TSPAN19: variants seen among roughly 807,000 people sequenced by gnomAD.
TSPAN19 encodes tetraspanin-19.
Under a neutral mutation model 35.1 loss-of-function variants are expected in TSPAN19, and 44 were observed. The observed-to-expected ratio is 1.25, with a 90% confidence interval of 0.98 to 1.61. TSPAN19 has a LOEUF of 1.61. Ranked by LOEUF, TSPAN19 falls within the 40% of genes most tolerant of loss-of-function variation. The pLI is 0.00. For synonymous variants in TSPAN19, 79 were observed against 92.0 expected (o/e 0.86, Z 0.81); for missense variants, 290 against 280.0 (o/e 1.04, Z -0.26).
chr12:85,030,481 T>C (rs1278880506), intron 1 of TSPAN19, among the ~76,000 whole-genome samples: 2 of 152,068 alleles, frequency 1.3e-5, no homozygotes, highest in Non-Finnish European at 2.9e-5. Context: ...TGGGGATCTT[T>C]CTCTTAACCC....
intron 5 of TSPAN19, among the ~76,000 whole-genome samples, chr12:85,020,116 C>T (rs973396142): frequency 1.3e-5 from 2 of 151,862 alleles, no homozygotes; most frequent in Non-Finnish European, 2.9e-5. Flanking sequence ...TTCTGGCAAA[C>T]TTCAACATTC....
At chr12:85,028,167 T>A (rs1877514635) in intron 3 of TSPAN19, 144 bp from the exon 4 acceptor site, 1 of 599,622 alleles carries the variant, frequency 1.7e-6, no homozygotes, top group Non-Finnish European at 2.7e-6. Context: ...TCTGTCTCTC[T>A]CTGTCTCTCA....
intron 5 of TSPAN19, among the ~76,000 whole-genome samples, chr12:85,020,569 G>A (rs1166918648): frequency 2.0e-5 from 3 of 151,898 alleles, no homozygotes; most frequent in Admixed American, 1.3e-4. Flanking sequence ...GAAGCAGGAA[G>A]GTCACTTTCT....
intron 6 of TSPAN19, among the ~76,000 whole-genome samples, chr12:85,018,490 T>C (rs541620263): frequency 6.6e-6 from 1 of 152,014 alleles, no homozygotes; most frequent in African/African-American, 2.4e-5. Flanking sequence ...ATAGACAGAA[T>C]TGTTTCCTCA....
intron 3 of TSPAN19, among the ~76,000 whole-genome samples, chr12:85,028,747 C>G (rs1210725361): frequency 1.5e-4 from 23 of 152,076 alleles, no homozygotes; most frequent in African/African-American, 2.4e-5. Context: ...CACTTTGACA[C>G]CTTGAAATTG....
intron 5 of TSPAN19, among the ~76,000 whole-genome samples, chr12:85,022,405 G>C (rs994029696): frequency 6.6e-6 from 1 of 152,004 alleles, no homozygotes; most frequent in Admixed American, 6.6e-5. Flanking sequence ...AGTATAGATA[G>C]ATATAAAGAA....
At chr12:85,015,475 A>C (rs1876739259) in intron 8 of TSPAN19, 1 of 152,872 alleles carries the variant, frequency 6.5e-6, no homozygotes. Context: ...ATCTGCCTAG[A>C]TTTCAGAAGT....
chr12:85,014,632 T>C, intron 8 of TSPAN19, 77 bp from the exon 9 acceptor site: 1 of 1,059,608 alleles, frequency 9.4e-7, no homozygotes, highest in Non-Finnish European at 1.4e-6. Flanking sequence ...CAATATATAG[T>C]CACCAAAATG....
chr12:85,029,800 A>T lies in TSPAN19; in HGVS notation c.67-9T>A. 1 of 1,540,986 alleles carries T rather than the reference A, an allele frequency of 6.5e-7. No individual in the cohort carries two copies. Among genetic ancestry groups the T allele is most frequent in the Non-Finnish European group, 8.7e-7 (1 of 1,144,242 alleles). On this transcript the variant is annotated splice_polypyrimidine_tract_variant and intron_variant, in intron 2 of 8. Transcript: ENST00000532498. ...AATAAAAGTCCAAGAACCTAAAAAA[A>T]GAAAGTCAATGCTTATTTTTTTGTA...
chr12:85,028,104 A>C (rs1032632056), intron 3 of TSPAN19, 81 bp from the exon 4 acceptor site: 10 of 1,201,554 alleles, frequency 8.3e-6, no homozygotes, highest in Non-Finnish European at 1.1e-5. Flanking sequence ...TTTAAGAATA[A>C]TTGCAGCAAT....
chr12:85,030,968 T>A (rs769436896), intron 1 of TSPAN19, among the ~76,000 whole-genome samples: 15 of 152,166 alleles, frequency 9.9e-5, no homozygotes, highest in Non-Finnish European at 1.6e-4. Flanking sequence ...GAAGCAGATT[T>A]AATAAGATTA....
At chr12:85,023,513 G>A (rs1050812335) in intron 4 of TSPAN19, 113 bp from the exon 5 acceptor site, 6 of 764,634 alleles carry the variant, frequency 7.8e-6, no homozygotes, top group Admixed American at 3.1e-5. Context: ...AGTATATATG[G>A]GTATTGCTGA....
chr12:85,032,596 G>T (rs1442897942), intron 1 of TSPAN19, among the ~76,000 whole-genome samples: 2 of 152,098 alleles, frequency 1.3e-5, no homozygotes, highest in African/African-American at 4.8e-5. Context: ...TCCAAGCAAC[G>T]ATTCAAAGAA....
intron 1 of TSPAN19, among the ~76,000 whole-genome samples, chr12:85,034,534 A>T (rs1199024329): frequency 6.6e-6 from 1 of 152,176 alleles, no homozygotes; most frequent in African/African-American, 2.4e-5. Flanking sequence ...AAATGAAATG[A>T]AGTTAACATG....
At chr12:85,028,517 C>T (rs1018191168) in intron 3 of TSPAN19, among the ~76,000 whole-genome samples, 1 of 152,170 alleles carries the variant, frequency 6.6e-6, no homozygotes, top group African/African-American at 2.4e-5. Flanking sequence ...TTTATCCAGT[C>T]AACAGGCTGA....
Position 85,016,509 on chromosome 12 carries a change from T to G in TSPAN19, c.595-538A>C, listed in dbSNP as rs1876812675. ...CATCATTAAGTAAATTAAGGGTTCT[T>G]GAACACAGGCACTGTGATACCTCAA... On this transcript the variant is annotated intron_variant, in intron 7 of 8. Coordinates refer to ENST00000532498, the MANE Select transcript of TSPAN19 (RefSeq NM_001100917.2). 3.9e-5 allele frequency: 6 copies of G among 151,976 alleles called. No homozygotes were observed. In the South Asian group the frequency reaches 1.2e-3, roughly 31 times the overall value. 9.4% of individuals were successfully genotyped at this position (151,976 alleles called of 1,614,324 possible).
chr12:85,026,690 TG>T (rs2135809775), intron 4 of TSPAN19, among the ~76,000 whole-genome samples: 1 of 152,196 alleles, frequency 6.6e-6, no homozygotes, highest in East Asian at 1.9e-4. Context: ...ACTGAAGGAA[TG>T]GAACTGAGGT....
intron 1 of TSPAN19, among the ~76,000 whole-genome samples, chr12:85,030,541 G>C (rs1437609350): frequency 1.3e-5 from 2 of 151,998 alleles, no homozygotes; most frequent in Non-Finnish European, 2.9e-5. Context: ...TCCCCACAGA[G>C]AGTCAGGGGT....
intron 4 of TSPAN19, among the ~76,000 whole-genome samples, chr12:85,026,624 G>T (rs1473180521): frequency 6.6e-6 from 1 of 152,072 alleles, no homozygotes; most frequent in Non-Finnish European, 1.5e-5. Flanking sequence ...CCTATGCCAG[G>T]TGTACCTCCC....
Sources: allele counts gnomAD v4.1 joint callset (sites outside exome capture counted in the v4.1 genomes callset), GRCh38; gene constraint gnomAD v4.1.1; transcripts MANE v1.5; gene names NCBI Gene and HGNC (gene_info 2026-07-23, HGNC 2026-07-21).